SRGAP1: variants seen among roughly 807,000 people sequenced by gnomAD.
The protein encoded by SRGAP1 is SLIT-ROBO Rho GTPase-activating protein 1.
SRGAP1 carries 43 observed loss-of-function variants against 121.9 expected under a neutral mutation model. That is an observed-to-expected ratio of 0.35 (90% CI 0.28 to 0.46). The LOEUF is 0.46. Among genes scored for constraint, SRGAP1 ranks in the 20% least tolerant of loss-of-function variants. SRGAP1 has a pLI of 1.00. For missense variants in SRGAP1, 1,102 were observed against 1,350.9 expected, an observed-to-expected ratio of 0.82 and a Z score of 2.89; for synonymous variants, 447 against 485.4, an observed-to-expected ratio of 0.92 and a Z score of 1.04.
intron 2 of SRGAP1, among the ~76,000 whole-genome samples, chr12:63,987,138 C>T (rs747383118): frequency 6.6e-6 from 1 of 152,198 alleles, no homozygotes; most frequent in Admixed American, 6.5e-5. Flanking sequence ...CGATTGATAA[C>T]CAGCCCAGGA....
At chr12:64,009,905 T>C (rs1173127558) in intron 3 of SRGAP1, among the ~76,000 whole-genome samples, 1 of 152,146 alleles carries the variant, frequency 6.6e-6, no homozygotes, top group Admixed American at 6.5e-5. Context: ...ACTGTAAACA[T>C]TACCCAGAAA....
chr12:64,074,670 G>T (rs2035702118), intron 8 of SRGAP1, among the ~76,000 whole-genome samples: 1 of 151,922 alleles, frequency 6.6e-6, no homozygotes, highest in Non-Finnish European at 1.5e-5. Flanking sequence ...ACTGAGTTTT[G>T]CCTGTTTTCT....
chr12:63,954,594 C>T (rs545794716), intron 1 of SRGAP1, among the ~76,000 whole-genome samples: 7 of 149,380 alleles, frequency 4.7e-5, no homozygotes, highest in Non-Finnish European at 8.9e-5. Context: ...AGGAGAATGG[C>T]GTGAACCCGG....
intron 15 of SRGAP1, among the ~76,000 whole-genome samples, chr12:64,103,675 A>C (rs1394332499): frequency 6.6e-6 from 1 of 152,188 alleles, no homozygotes; most frequent in East Asian, 1.9e-4. Flanking sequence ...TTTATCCTTA[A>C]AAATATTTAA....
At chr12:63,862,478 C>T (rs1339907405) in intron 1 of SRGAP1, among the ~76,000 whole-genome samples, 1 of 152,158 alleles carries the variant, frequency 6.6e-6, no homozygotes, top group African/African-American at 2.4e-5. Context: ...TGGACTTTTG[C>T]CCTTGACTTT....
chr12:64,077,058 G>T (rs2136559335), intron 8 of SRGAP1, among the ~76,000 whole-genome samples: 1 of 152,222 alleles, frequency 6.6e-6, no homozygotes, highest in South Asian at 2.1e-4. Context: ...ATTCCAGGCA[G>T]AATATATTTT....
At chr12:63,915,813 G>C (rs1328349301) in intron 1 of SRGAP1, among the ~76,000 whole-genome samples, 1 of 152,104 alleles carries the variant, frequency 6.6e-6, no homozygotes. Context: ...GTAACTCTCA[G>C]AACAGAAACT....
chr12:63,861,200 A>G (rs961024874), intron 1 of SRGAP1, among the ~76,000 whole-genome samples: 1 of 148,048 alleles, frequency 6.8e-6, no homozygotes, highest in African/African-American at 2.5e-5. Context: ...TTTAATAGAG[A>G]CAGGGATTCA....
intron 1 of SRGAP1, among the ~76,000 whole-genome samples, chr12:63,859,223 A>G (rs67892056): frequency 0.28 from 43,057 of 151,958 alleles, 7,036 homozygotes; most frequent in East Asian, 0.55. Context: ...CCAGGCTGGC[A>G]TTCAGTGGCT....
rs1446462025 is a variant in SRGAP1 at position 64,155,003 on chromosome 12, T to C, written c.*12331T>C. The C allele has an allele frequency of 6.6e-6, 1 of 152,156 alleles. No homozygotes were observed. Among genetic ancestry groups the C allele is most frequent in the East Asian group, 1.9e-4 (1 of 5,198 alleles). The allele number at this position is 152,156 out of a possible 1,614,324, so 9.4% of individuals were successfully genotyped here. A position where few individuals can be genotyped will look rare whatever the true frequency, so the allele number is the denominator to read the frequency against. ...GCATTTGTTAACATAAATATGATAATAAAAATAGTTAACATTTGTTAAATA... is the reference window on the plus strand; with the variant it reads ...GCATTTGTTAACATAAATATGATAACAAAAATAGTTAACATTTGTTAAATA... On this transcript the variant is annotated 3_prime_UTR_variant, in exon 22 of 22. Coordinates refer to ENST00000355086, the MANE Select transcript of SRGAP1 (RefSeq NM_020762.4).
chr12:64,044,406 A>G (rs980892517), intron 6 of SRGAP1, among the ~76,000 whole-genome samples: 6 of 152,188 alleles, frequency 3.9e-5, no homozygotes, highest in Non-Finnish European at 8.8e-5. Flanking sequence ...ATAAAGTCAT[A>G]GAGGTTCAGA....
chr12:63,864,820 A>T (rs1007441273), intron 1 of SRGAP1, among the ~76,000 whole-genome samples: 1 of 152,184 alleles, frequency 6.6e-6, no homozygotes, highest in Non-Finnish European at 1.5e-5. Context: ...AAACAAAGGA[A>T]ATCCAAATAA....
chr12:63,978,357 G>T (rs1365662011), intron 1 of SRGAP1, among the ~76,000 whole-genome samples: 1 of 152,052 alleles, frequency 6.6e-6, no homozygotes, highest in Non-Finnish European at 1.5e-5. Context: ...GCACCCCTTA[G>T]CAGCCATTTT....
chr12:64,022,873 AT>A (rs1295648593), intron 4 of SRGAP1, among the ~76,000 whole-genome samples: 1 of 152,154 alleles, frequency 6.6e-6, no homozygotes, highest in African/African-American at 2.4e-5. Flanking sequence ...CTCTCAAGGC[AT>A]TTACATTCCA....
intron 1 of SRGAP1, among the ~76,000 whole-genome samples, chr12:63,890,362 A>C (rs564049603): frequency 6.6e-6 from 1 of 152,166 alleles, no homozygotes; most frequent in African/African-American, 2.4e-5. Context: ...GCTTCTCCCT[A>C]AAGTGTCTAC....
At chr12:64,072,231 G>A (rs891193096) in intron 8 of SRGAP1, among the ~76,000 whole-genome samples, 6 of 150,406 alleles carry the variant, frequency 4.0e-5, no homozygotes, top group Non-Finnish European at 8.9e-5. Flanking sequence ...TTCAAGGTCA[G>A]CAATGACAAG....
intron 15 of SRGAP1, among the ~76,000 whole-genome samples, chr12:64,101,517 T>G (rs922174381): frequency 6.6e-5 from 10 of 152,238 alleles, no homozygotes; most frequent in African/African-American, 1.9e-4. Flanking sequence ...TAAAGATTAT[T>G]TATCTGGATG....
intron 1 of SRGAP1, among the ~76,000 whole-genome samples, chr12:63,957,634 AT>A (rs1305399519): frequency 6.6e-6 from 1 of 151,998 alleles, no homozygotes; most frequent in Non-Finnish European, 1.5e-5. Flanking sequence ...CCCACTCCAA[AT>A]TTCATATTGA....
intron 2 of SRGAP1, among the ~76,000 whole-genome samples, chr12:63,989,359 C>T (rs141525246): frequency 1.0e-3 from 155 of 152,212 alleles, no homozygotes; most frequent in Non-Finnish European, 1.7e-3. Context: ...TGAGACAATG[C>T]AATAAAGTTC....
Sources: gnomAD v4.1 joint callset for allele counts (sites outside exome capture counted in the v4.1 genomes callset) on GRCh38, gnomAD v4.1.1 for gene constraint, MANE v1.5 for transcripts, NCBI Gene and HGNC (gene_info 2026-07-23, HGNC 2026-07-21) for gene names.